DZIP3: variants seen among roughly 807,000 people sequenced by gnomAD.
DZIP3 encodes DAZ interacting zinc finger protein 3, also known as E3 ubiquitin-protein ligase DZIP3.
DZIP3 carries 118 observed loss-of-function variants against 162.0 expected under a neutral mutation model. That is an observed-to-expected ratio of 0.73 (90% confidence interval 0.63 to 0.85). The LOEUF is 0.85. Ranked by LOEUF, DZIP3 falls within the 40% of genes least tolerant of loss-of-function variation. The pLI is 0.00. For missense variants in DZIP3, 1,331 were observed against 1,407.0 expected (o/e 0.95, Z 0.86); for synonymous variants, 438 against 458.6 (o/e 0.96, Z 0.57).
At chr3:108,613,178 C>G (rs919824287) in intron 4 of DZIP3, among the ~76,000 whole-genome samples, 4 of 152,020 alleles carry the variant, frequency 2.6e-5, no homozygotes, top group African/African-American at 9.7e-5. Context: ...TGTAGGAAGA[C>G]GCAGTATGTT....
intron 25 of DZIP3, among the ~76,000 whole-genome samples, chr3:108,677,247 A>G (rs1944144513): frequency 6.6e-6 from 1 of 152,034 alleles, no homozygotes; most frequent in Non-Finnish European, 1.5e-5. Flanking sequence ...TTATCACAAG[A>G]ATCTGTGAAT....
At chr3:108,661,010 A>C (rs1341209057) in intron 19 of DZIP3, among the ~76,000 whole-genome samples, 5 of 152,218 alleles carry the variant, frequency 3.3e-5, no homozygotes, top group Non-Finnish European at 5.9e-5. Flanking sequence ...GATATGGAGA[A>C]ATAGGAACAC....
intron 14 of DZIP3, 133 bp from the exon 15 acceptor site, chr3:108,646,483 CA>C (rs1294493238): frequency 2.2e-5 from 15 of 682,892 alleles, no homozygotes; most frequent in Non-Finnish European, 2.6e-6. Flanking sequence ...GATTGATGAG[CA>C]AAGCTGGTTA....
chr3:108,658,473 T>C (rs1943252546), intron 19 of DZIP3, among the ~76,000 whole-genome samples: 1 of 152,020 alleles, frequency 6.6e-6, no homozygotes, highest in Admixed American at 6.5e-5. Flanking sequence ...CCAGAATCTC[T>C]GGGACACATT....
At chr3:108,609,367 A>G (rs559978234) in intron 3 of DZIP3, among the ~76,000 whole-genome samples, 5 of 152,350 alleles carry the variant, frequency 3.3e-5, no homozygotes, top group Middle Eastern at 3.4e-3. Flanking sequence ...GTAGGGTTGT[A>G]CAGTTGAGCA....
Position 108,654,310 on chromosome 3 carries a change from G to A in DZIP3, c.2199G>A (p.Gln733=). The A allele has an allele frequency of 6.2e-7, 1 of 1,613,434 alleles. No individual in the cohort carries two copies. The change falls in exon 19 of 33, where the codon CAG becomes CAA. Residue 733 remains glutamine (Q), a splice_region_variant and synonymous_variant. Coordinates refer to ENST00000361582, the MANE Select transcript of DZIP3 (RefSeq NM_014648.4). ...DELHILDMIE[Q]GSAGKVTTDY... is the part of the protein sequence containing the mutation. ...TGCATATTCTGGACATGATAGAGCA[G>A]GTAAGCATGATTAGAGAGGGTGCCT...
rs371329963 is a variant in DZIP3 at position 108,662,113 on chromosome 3, T to A, written c.2296-17T>A. On this transcript the variant is annotated splice_polypyrimidine_tract_variant and intron_variant, in intron 20 of 32. Transcript: ENST00000361582. ...ACTTGAACATAATTATCTGAAATAA[T>A]ATTTTTTATTGATCAGGATTTCAAA... is the stretch of plus-strand genomic sequence containing the variant. 4 of 1,579,678 alleles carry A rather than the reference T, an allele frequency of 2.5e-6. No individual in the cohort carries two copies. The African/African-American group carries it at 5.5e-5, about 22-fold the overall frequency.
chr3:108,634,107 C>T (rs541331544), intron 9 of DZIP3, among the ~76,000 whole-genome samples: 1 of 152,116 alleles, frequency 6.6e-6, no homozygotes, highest in South Asian at 2.1e-4. Context: ...ATGATGTGTA[C>T]AGCCAATCCG....
At chr3:108,681,425 AAAC>A (rs1431546787) in intron 26 of DZIP3, among the ~76,000 whole-genome samples, 3 of 152,164 alleles carry the variant, frequency 2.0e-5, no homozygotes, top group African/African-American at 7.2e-5. Context: ...AAAAGTCAGG[AAAC>A]AACAGATACT....
Position 108,605,136 on chromosome 3 carries a change from T to C in DZIP3, c.-72-199T>C, listed in dbSNP as rs147582176. ...TCTTTTATTTAATATGATTACAAAT[T>C]GGTAAAATATACCTATGCTTGGTAA... On this transcript the variant is annotated intron_variant, in intron 1 of 32. Coordinates refer to ENST00000361582, the MANE Select transcript of DZIP3 (RefSeq NM_014648.4). Among the ~76,000 whole-genome samples, 776 of 152,288 alleles carry C rather than the reference T, an allele frequency of 5.1e-3. 4 individuals carry two copies. Among genetic ancestry groups the C allele is most frequent in the African/African-American group, 0.015 (605 of 41,570 alleles).
rs1942700999 is a variant in DZIP3, at chr3:108,647,926, T to C, written c.1793-17T>C. ...TGCTTTCATCTAGATTTTGAGAATT[T>C]TGTCTTTTATGTTTAGGTATTGAAA... On this transcript the variant is annotated splice_polypyrimidine_tract_variant and intron_variant, in intron 15 of 32. Transcript: ENST00000361582. The C allele has an allele frequency of 2.7e-6, 4 of 1,487,802 alleles. No individual in the cohort carries two copies. Among genetic ancestry groups the C allele is most frequent in the Non-Finnish European group, 3.6e-6 (4 of 1,121,868 alleles). 92.2% of individuals were successfully genotyped at this position (1,487,802 alleles called of 1,614,324 possible).
chr3:108,631,572 A>ATTT (rs1456325426), intron 8 of DZIP3, among the ~76,000 whole-genome samples: 1 of 119,296 alleles, frequency 8.4e-6, no homozygotes, highest in African/African-American at 3.2e-5. Context: ...TATTATTATT[A>ATTT]TTATTATTCC....
intron 12 of DZIP3, among the ~76,000 whole-genome samples, chr3:108,642,137 T>A (rs776475636): frequency 6.6e-6 from 1 of 152,152 alleles, no homozygotes; most frequent in Non-Finnish European, 1.5e-5. Flanking sequence ...TTTTTTGTCT[T>A]ACAATGCAAA....
At chr3:108,656,420 T>G (rs902757071) in intron 19 of DZIP3, among the ~76,000 whole-genome samples, 2 of 152,282 alleles carry the variant, frequency 1.3e-5, no homozygotes, top group Admixed American at 1.3e-4. Flanking sequence ...CCAACAGACC[T>G]GCAGCTGAGG....
Position 108,631,055 on chromosome 3 carries a change from A to ACACACACATACACTCTCTCTCT in DZIP3, c.696+1880_696+1881insACACACATACACTCTCTCTCTC. ...CACACACACACACACACACACACAC[A>ACACACACATACACTCTCTCTCT]CTCTCTCTCTCTCTCTCTCTCTCTC... On this transcript the variant is annotated intron_variant, in intron 8 of 32. Coordinates refer to ENST00000361582, the MANE Select transcript of DZIP3 (RefSeq NM_014648.4). Among the ~76,000 whole-genome samples the ACACACACATACACTCTCTCTCT allele has an allele frequency of 1.2e-3, 21 of 18,018 alleles. 3 individuals are homozygous for ACACACACATACACTCTCTCTCT. The highest frequency in any genetic ancestry group is 2.3e-3 in the South Asian group (1 of 426). 11.8% of individuals were successfully genotyped at this position (18,018 alleles called of 152,430 possible). A position where few individuals can be genotyped will look rare whatever the true frequency, so the allele number is the denominator to read the frequency against.
At position 108,678,719 on chromosome 3, in the gene DZIP3, A is replaced by G. The variant is rs142351711; in HGVS notation, c.2883+1121A>G. Among the ~76,000 whole-genome samples the G allele has an allele frequency of 6.7e-3, 1,023 of 152,158 alleles. 12 individuals carry two copies. Among genetic ancestry groups the G allele is most frequent in the African/African-American group, 0.024 (977 of 41,508 alleles). On this transcript the variant is annotated intron_variant, in intron 26 of 32. Coordinates refer to ENST00000361582, the MANE Select transcript of DZIP3 (RefSeq NM_014648.4). Reference sequence around the variant, plus strand: ...GTGTCATTGGATGACAATTTTTATTATCTTAAGAGATCTGGCAGTAGGAAG... The same window carrying G: ...GTGTCATTGGATGACAATTTTTATTGTCTTAAGAGATCTGGCAGTAGGAAG...
At chr3:108,687,014 A>C (rs1287945233) in intron 28 of DZIP3, among the ~76,000 whole-genome samples, 1 of 152,132 alleles carries the variant, frequency 6.6e-6, no homozygotes, top group Non-Finnish European at 1.5e-5. Flanking sequence ...TCTTTGTTGG[A>C]GAACACACTA....
At chr3:108,612,506 A>G (rs1185847398) in intron 4 of DZIP3, among the ~76,000 whole-genome samples, 1 of 152,162 alleles carries the variant, frequency 6.6e-6, no homozygotes, top group African/African-American at 2.4e-5. Flanking sequence ...AATAGCAACT[A>G]GAAGGTAAAA....
intron 19 of DZIP3, among the ~76,000 whole-genome samples, chr3:108,659,591 CCT>C (rs1943320473): frequency 6.6e-6 from 1 of 151,724 alleles, no homozygotes; most frequent in African/African-American, 2.4e-5. Context: ...ACAGGGATGC[CCT>C]CTCTCACCAC....
Sources: allele counts gnomAD v4.1 joint callset (sites outside exome capture counted in the v4.1 genomes callset), GRCh38; gene constraint gnomAD v4.1.1; transcripts MANE v1.5; gene names NCBI Gene and HGNC (gene_info 2026-07-23, HGNC 2026-07-21).